Variants in SYNPO observed in about 807,000 individuals in gnomAD.
The protein encoded by SYNPO is synaptopodin.
In SYNPO, 19 loss-of-function variants were observed where a neutral mutation model predicts 49.5. The observed-to-expected ratio is 0.38, with a 90% CI of 0.27 to 0.56. The LOEUF (loss-of-function observed/expected upper bound fraction) is 0.56, where lower values mean the gene tolerates loss of function less well. SYNPO is among the 20% of genes least tolerant of loss of function. The pLI, the probability that SYNPO is intolerant of heterozygous loss-of-function variation, is 0.68. For missense variants in SYNPO, 1,131 were observed against 1,248.3 expected, an observed-to-expected ratio of 0.91 and a Z score of 1.42; for synonymous variants, 536 against 548.0, an observed-to-expected ratio of 0.98 and a Z score of 0.31.
chr5:150,617,358 C>T (rs550548280), intron 1 of SYNPO, among the ~76,000 whole-genome samples: 190 of 152,164 alleles, frequency 1.2e-3, no homozygotes, highest in African/African-American at 4.4e-3. Context: ...TGCAATGGGG[C>T]GATCTCGGTT....
chr5:150,647,711 A>G (rs1758155675), intron 1 of SYNPO, among the ~76,000 whole-genome samples: 1 of 152,184 alleles, frequency 6.6e-6, no homozygotes, highest in South Asian at 2.1e-4. Flanking sequence ...GTTAATCCTG[A>G]GAGGATAATC....
intron 2 of SYNPO, chr5:150,651,441 A>T: frequency 1.0e-6 from 1 of 1,000,486 alleles, no homozygotes; most frequent in Non-Finnish European, 1.2e-6. Context: ...CTTTGAAGAA[A>T]GGCCTTGTAA....
At chr5:150,602,703 G>A (rs1427369551) in intron 1 of SYNPO, among the ~76,000 whole-genome samples, 1 of 152,022 alleles carries the variant, frequency 6.6e-6, no homozygotes. Flanking sequence ...TCTTCCAGCT[G>A]TTTTTTCTTT....
the SYNPO span, among the ~76,000 whole-genome samples, chr5:150,595,083 G>A: frequency 6.6e-6 from 1 of 152,182 alleles, no homozygotes; most frequent in African/African-American, 2.4e-5. Context: ...GGAAGACCCC[G>A]TGCTGTTGCA....
Position 150,657,193 on chromosome 5 carries a change from G to C in SYNPO, c.*106G>C. On this transcript the variant is annotated 3_prime_UTR_variant, in exon 3 of 3. Transcript: ENST00000307662. ...TCTTTGGGCAGCCCCAGAGATGAGG[G>C]GTCAGCAGAGGAGAGCTCTGGGGTT... is the stretch of plus-strand genomic sequence containing the variant. 8.0e-7 allele frequency: 1 copy of C among 1,248,190 alleles called. No homozygotes were observed. The highest frequency in any genetic ancestry group is 1.5e-5 in the South Asian group (1 of 66,316). 77.3% of individuals were successfully genotyped at this position (1,248,190 alleles called of 1,614,324 possible). A position where few individuals can be genotyped will look rare whatever the true frequency, so the allele number is the denominator to read the frequency against.
At chr5:150,614,228 G>C (rs1026636629) in intron 1 of SYNPO, among the ~76,000 whole-genome samples, 1 of 152,216 alleles carries the variant, frequency 6.6e-6, no homozygotes, top group Non-Finnish European at 1.5e-5. Flanking sequence ...CATGTCCAGG[G>C]TCAGGCAGCC....
At chr5:150,597,226 C>T (rs887563914), upstream of SYNPO, among the ~76,000 whole-genome samples, 2 of 152,230 alleles carry the variant, frequency 1.3e-5, no homozygotes, top group African/African-American at 4.8e-5. Flanking sequence ...TGTCCCATCC[C>T]TCACCATCAA....
the SYNPO span, among the ~76,000 whole-genome samples, chr5:150,591,382 C>T: frequency 4.6e-5 from 7 of 152,188 alleles, no homozygotes; most frequent in Admixed American, 4.6e-4. Context: ...CGCAGCTGAG[C>T]CCCCAGCACT....
Position 150,648,533 on chromosome 5 carries a change from C to T in SYNPO, c.258C>T (p.Asn86=), listed in dbSNP as rs368415231. The change falls in exon 2 of 3, where the codon AAC becomes AAT. Residue 86 remains asparagine, a synonymous_variant. Coordinates refer to ENST00000307662, the MANE Select transcript of SYNPO (RefSeq NM_007286.6). The surrounding 1 kb of genome is among the most constrained non-coding windows in gnomAD (Gnocchi z 5.0). ...CCACGCTCACCACACCAACTTCTAA[C>T]AGCAGCCACAATCCGCCAGCCACCG... is the stretch of plus-strand genomic sequence containing the variant. The part of the protein sequence containing the change: ...PSATLTTPTS[N]SSHNPPATDV... 68 of 1,614,096 alleles carry T rather than the reference C, an allele frequency of 4.2e-5. No individual in the cohort carries two copies. Among genetic ancestry groups the T allele is most frequent in the Non-Finnish European group, 5.3e-5 (63 of 1,180,036 alleles).
chr5:150,631,848 C>G (rs912258189), intron 2 of SYNPO, among the ~76,000 whole-genome samples: 2 of 152,156 alleles, frequency 1.3e-5, no homozygotes, highest in African/African-American at 4.8e-5. Flanking sequence ...GAGTGCGTTC[C>G]TGGGCAGGAG....
chr5:150,592,009 T>C, the SYNPO span, among the ~76,000 whole-genome samples: 21 of 152,210 alleles, frequency 1.4e-4, no homozygotes, highest in Non-Finnish European at 2.9e-4. Flanking sequence ...CTACTAAAAA[T>C]ACAAAATTGG....
intron 1 of SYNPO, among the ~76,000 whole-genome samples, chr5:150,647,613 C>G (rs564224131): frequency 1.3e-5 from 2 of 152,156 alleles, no homozygotes; most frequent in Non-Finnish European, 2.9e-5. Flanking sequence ...ACTGGGGACA[C>G]GGTGGGACTT....
At chr5:150,611,572 A>T (rs1210126184) in intron 1 of SYNPO, among the ~76,000 whole-genome samples, 5 of 152,152 alleles carry the variant, frequency 3.3e-5, no homozygotes, top group African/African-American at 7.2e-5. Context: ...CCTCATGCCC[A>T]TCCAACACTG....
At chr5:150,613,157 TGCCA>T (rs33978015) in intron 1 of SYNPO, among the ~76,000 whole-genome samples, 14,195 of 152,118 alleles carry the variant, frequency 0.093, 1,572 homozygotes, top group East Asian at 0.27. Flanking sequence ...GACCTCTGCC[TGCCA>T]GCCAGCCCTT....
At chr5:150,602,803 C>T (rs572279674) in intron 1 of SYNPO, among the ~76,000 whole-genome samples, 39 of 152,120 alleles carry the variant, frequency 2.6e-4, no homozygotes, top group African/African-American at 9.2e-4. Context: ...GGCTTCCCAG[C>T]GCGCTGGGAT....
In SYNPO at chr5:150,648,075, C is replaced by T. The variant is rs375597662; in HGVS notation, c.-201C>T. ...TGGCGTCCAGCTCTTCAACAGGCGC[C>T]GGCAGAGGGTGAACGAGTTCACCTT... On this transcript the variant is annotated 5_prime_UTR_variant, in exon 2 of 3. Transcript: ENST00000307662. This position sits in a 1 kb window ranked among gnomAD's most constrained non-coding sequence, Gnocchi z 5.0. The T allele has an allele frequency of 2.3e-4, 361 of 1,551,660 alleles. No individual in the cohort carries two copies. Among genetic ancestry groups the T allele is most frequent in the Non-Finnish European group, 2.9e-4 (329 of 1,147,018 alleles).
intron 2 of SYNPO, among the ~76,000 whole-genome samples, chr5:150,623,249 C>G (rs1048813149): frequency 6.6e-6 from 1 of 152,232 alleles, no homozygotes; most frequent in African/African-American, 2.4e-5. Context: ...ATCTTTCACA[C>G]ATTCTCTCCT....
Position 150,649,946 on chromosome 5 carries a change from A to G in SYNPO, c.1671A>G (p.Pro557=). 1 of 1,612,452 alleles carries G rather than the reference A, an allele frequency of 6.2e-7. No individual in the cohort carries two copies. Among genetic ancestry groups the G allele is most frequent in the Non-Finnish European group, 8.5e-7 (1 of 1,179,954 alleles). The change falls in exon 2 of 3, where the codon CCA becomes CCG. Residue 557 remains proline, a synonymous_variant. Coordinates refer to ENST00000307662, the MANE Select transcript of SYNPO (RefSeq NM_007286.6). ...GYLPENGVLR[P]EPTKQPPYQL... is the part of the protein sequence containing the mutation. ...TGCCTGAGAACGGGGTCCTGCGCCCAGAGCCCACCAAGCAGCCGCCATACC... is the reference window on the plus strand; with the variant it reads ...TGCCTGAGAACGGGGTCCTGCGCCCGGAGCCCACCAAGCAGCCGCCATACC...
chr5:150,588,607 A>T, the SYNPO span, among the ~76,000 whole-genome samples: 4,478 of 151,878 alleles, frequency 0.029, 251 homozygotes, highest in African/African-American at 0.1. Context: ...CAGTCTGTCT[A>T]GGAGAGTGGG....
Sources: allele counts gnomAD v4.1 joint callset (sites outside exome capture counted in the v4.1 genomes callset), GRCh38; gene constraint gnomAD v4.1.1; non-coding constraint Gnocchi (gnomAD v3.1); transcripts MANE v1.5; gene names NCBI Gene and HGNC (gene_info 2026-07-23, HGNC 2026-07-21).